NPAS3: variants seen among roughly 807,000 people sequenced by gnomAD.
The protein encoded by NPAS3 is neuronal PAS domain-containing protein 3.
A neutral mutation model predicts 73.1 loss-of-function variants in NPAS3; 14 were observed. The ratio of observed to expected loss-of-function variants is 0.19; its 90% CI spans 0.13 to 0.30. The LOEUF (loss-of-function observed/expected upper bound fraction) is 0.30, where lower values mean the gene tolerates loss of function less well. Among genes scored for constraint, NPAS3 ranks in the 10% least tolerant of loss-of-function variants. NPAS3 has a pLI of 1.00. For synonymous variants in NPAS3, 620 were observed against 541.5 expected (o/e 1.14, Z -2.01); for missense variants, 1,096 against 1,250.0 (o/e 0.88, Z 1.86).
At chr14:32,990,695 G>C (rs2038294785) in intron 1 of NPAS3, among the ~76,000 whole-genome samples, 4 of 152,102 alleles carry the variant, frequency 2.6e-5, no homozygotes, top group African/African-American at 9.7e-5. Flanking sequence ...GGAGGCTAAG[G>C]CAGGAGCATT....
chr14:33,563,295 C>T (rs1159736583), intron 5 of NPAS3, among the ~76,000 whole-genome samples: 11 of 152,014 alleles, frequency 7.2e-5, no homozygotes, highest in Non-Finnish European at 1.3e-4. Flanking sequence ...GATAGGGAAA[C>T]TTCTACTGAG....
intron 5 of NPAS3, among the ~76,000 whole-genome samples, chr14:33,560,658 A>G (rs974620115): frequency 6.6e-6 from 1 of 152,088 alleles, no homozygotes; most frequent in African/African-American, 2.4e-5. Flanking sequence ...AATGCGTTGC[A>G]GGGAGGGTTC....
At chr14:33,503,490 C>T (rs565404677) in intron 4 of NPAS3, among the ~76,000 whole-genome samples, 2 of 151,990 alleles carry the variant, frequency 1.3e-5, no homozygotes, top group African/African-American at 4.8e-5. Flanking sequence ...CCGAGTGATA[C>T]CTTTGGATTC....
At position 33,250,090 on chromosome 14, in the gene NPAS3, C is replaced by G. The variant is rs542379524; in HGVS notation, c.385+34664C>G. On this transcript the variant is annotated intron_variant, in intron 3 of 11. Transcript: ENST00000356141. Reference sequence around the variant, plus strand: ...AAGAAACTCCTTTACTTTACAGGAACTTTGCAGTTACATCGGGGTAGGTAG... The same window carrying G: ...AAGAAACTCCTTTACTTTACAGGAAGTTTGCAGTTACATCGGGGTAGGTAG... Among the ~76,000 whole-genome samples, 34 of 152,256 alleles carry G rather than the reference C, an allele frequency of 2.2e-4. No individual in the cohort carries two copies. In the East Asian group the frequency reaches 6.5e-3, roughly 29 times the overall value.
At chr14:33,449,648 C>G (rs905319928) in intron 4 of NPAS3, among the ~76,000 whole-genome samples, 5 of 152,056 alleles carry the variant, frequency 3.3e-5, no homozygotes, top group African/African-American at 9.7e-5. Context: ...CACACACACA[C>G]ACAGAGAAGA....
intron 9 of NPAS3, among the ~76,000 whole-genome samples, chr14:33,789,990 A>G (rs546006870): frequency 6.5e-4 from 99 of 152,356 alleles, no homozygotes; most frequent in Middle Eastern, 3.4e-3. Flanking sequence ...TTTGGAGAGT[A>G]GAAAGTAAAC....
intron 3 of NPAS3, among the ~76,000 whole-genome samples, chr14:33,278,002 C>T (rs907134344): frequency 1.4e-4 from 22 of 152,000 alleles, no homozygotes; most frequent in Non-Finnish European, 2.4e-4. Flanking sequence ...AGAAGGGTGG[C>T]GTACACTAAG....
At chr14:33,653,423 T>C (rs777365141) in intron 5 of NPAS3, among the ~76,000 whole-genome samples, 25 of 152,260 alleles carry the variant, frequency 1.6e-4, no homozygotes, top group Non-Finnish European at 3.1e-4. Context: ...AGCATGTTTT[T>C]ATCATAAGGC....
At chr14:33,390,087 G>A (rs1171886503) in intron 4 of NPAS3, among the ~76,000 whole-genome samples, 1 of 152,088 alleles carries the variant, frequency 6.6e-6, no homozygotes, top group Non-Finnish European at 1.5e-5. Context: ...CTGTATGTGA[G>A]GAAATTAGAG....
At chr14:33,801,116 G>T (rs1373855138), downstream of NPAS3, 2 of 1,569,890 alleles carry the variant, frequency 1.3e-6, no homozygotes, top group Non-Finnish European at 1.7e-6. Flanking sequence ...CTGAGGCGCC[G>T]CCCGTCCTGG....
chr14:32,990,580 C>A (rs894386605), intron 1 of NPAS3, among the ~76,000 whole-genome samples: 7 of 151,932 alleles, frequency 4.6e-5, no homozygotes, highest in Non-Finnish European at 1.0e-4. Flanking sequence ...AGAGGAATAA[C>A]TGGAAGAGAA....
intron 4 of NPAS3, among the ~76,000 whole-genome samples, chr14:33,388,778 T>C (rs2046879997): frequency 2.0e-5 from 3 of 152,180 alleles, no homozygotes; most frequent in Admixed American, 2.0e-4. Context: ...AACCTGAATA[T>C]GAACCTAGCA....
chr14:33,186,732 C>G (rs542625984), intron 2 of NPAS3, among the ~76,000 whole-genome samples: 22 of 152,226 alleles, frequency 1.4e-4, no homozygotes, highest in African/African-American at 5.1e-4. Context: ...CATCAGCAAG[C>G]CTTGTTGAAT....
At chr14:33,680,774 C>T (rs1229767325) in intron 6 of NPAS3, 9 of 622,230 alleles carry the variant, frequency 1.4e-5, no homozygotes, top group Non-Finnish European at 2.6e-5. Context: ...AGGATTTAGA[C>T]AATTTAGCAA....
At chr14:33,426,646 C>T (rs944898531) in intron 4 of NPAS3, among the ~76,000 whole-genome samples, 1 of 151,932 alleles carries the variant, frequency 6.6e-6, no homozygotes. Context: ...GGAGTTAGTG[C>T]TGAAGAGGAG....
chr14:33,314,113 A>G (rs900038761), intron 3 of NPAS3, among the ~76,000 whole-genome samples: 1 of 152,064 alleles, frequency 6.6e-6, no homozygotes, highest in Admixed American at 6.6e-5. Flanking sequence ...CCACTTTGTA[A>G]ATAAATATCT....
At chr14:33,763,166 A>C (rs886881176) in intron 7 of NPAS3, among the ~76,000 whole-genome samples, 3 of 152,118 alleles carry the variant, frequency 2.0e-5, no homozygotes, top group Admixed American at 6.6e-5. Flanking sequence ...CTCCAGCTCC[A>C]GCTTGCTTGA....
In NPAS3 at chr14:33,800,351, A is replaced by T. The variant is rs1272828274; in HGVS notation, c.2044A>T (p.Met682Leu). 6.2e-7 allele frequency: 1 copy of T among 1,612,456 alleles called. No individual in the cohort carries two copies. Among genetic ancestry groups the T allele is most frequent in the Non-Finnish European group, 8.5e-7 (1 of 1,179,342 alleles). Residue 682 changes from methionine (M) to leucine (L), a missense_variant, in exon 12 of 12, where the codon ATG becomes TTG. Met to Leu is a conservative substitution (Grantham distance 15). Around this residue, in one of 5 missense-constraint regions of NPAS3, gnomAD observed 698 missense variants for 676.7 expected, o/e 1.03. Coordinates refer to ENST00000356141, the Ensembl canonical transcript of NPAS3. This position sits in a 1 kb window ranked among gnomAD's most constrained non-coding sequence, Gnocchi z 6.5. The stretch of plus-strand genomic sequence containing the variant: ...CTCCAGGAACGAGTCCCCCTACAGC[A>T]TGACCAAGCCCCCCAGCTCTGAGCA...
rs2045548532 is a variant in NPAS3 at position 33,175,328 on chromosome 14, CT to C, written c.141-39851del. Reference sequence around the variant, plus strand: ...GAACGGGCAGAGTTGCTATTCTGTCCTTTCCTGAAAATGTTACCATTAAAAA... The same window carrying C: ...GAACGGGCAGAGTTGCTATTCTGTCCTTCCTGAAAATGTTACCATTAAAAA... On this transcript the variant is annotated intron_variant, in intron 2 of 11. Coordinates refer to ENST00000356141, the Ensembl canonical transcript of NPAS3. Among the ~76,000 whole-genome samples the C allele has an allele frequency of 2.0e-5, 3 of 152,144 alleles. No homozygotes were observed. The South Asian group carries it at 6.2e-4, about 32-fold the overall frequency.
Sources: allele counts gnomAD v4.1 joint callset (sites outside exome capture counted in the v4.1 genomes callset), GRCh38; gene constraint gnomAD v4.1.1; regional missense constraint gnomAD v4.1.1; non-coding constraint Gnocchi (gnomAD v3.1); transcripts MANE v1.5; gene names NCBI Gene and HGNC (gene_info 2026-07-23, HGNC 2026-07-21).